Variants in RAP1A observed in about 807,000 individuals in gnomAD.
RAP1A encodes RAP1A, member of RAS oncogene family.
A neutral mutation model predicts 26.4 loss-of-function variants in RAP1A; 6 were observed. The ratio of observed to expected loss-of-function variants is 0.23; its 90% confidence interval spans 0.12 to 0.45. RAP1A has a LOEUF of 0.45. RAP1A is among the 20% of genes least tolerant of loss of function. RAP1A has a pLI of 0.99. For missense variants in RAP1A, 121 were observed against 217.2 expected, an observed-to-expected ratio of 0.56 and a Z score of 2.78; for synonymous variants, 73 against 79.4, an observed-to-expected ratio of 0.92 and a Z score of 0.43.
At chr1:111,679,589 G>A (rs1006821050) in intron 1 of RAP1A, among the ~76,000 whole-genome samples, 10 of 152,096 alleles carry the variant, frequency 6.6e-5, no homozygotes, top group Non-Finnish European at 1.3e-4. Flanking sequence ...AAAGGGGGCT[G>A]AAGCCAGGGA....
chr1:111,549,365 C>T (rs1329249266), intron 1 of RAP1A, among the ~76,000 whole-genome samples: 5 of 140,272 alleles, frequency 3.6e-5, no homozygotes, highest in African/African-American at 8.1e-5. Flanking sequence ...AAAACATGGT[C>T]GGGCTGGGCA....
At chr1:111,671,254 C>T (rs1002696658) in intron 1 of RAP1A, among the ~76,000 whole-genome samples, 6 of 152,132 alleles carry the variant, frequency 3.9e-5, no homozygotes, top group South Asian at 2.1e-4. Flanking sequence ...AGAGCCACCA[C>T]GCCCAACTAA....
chr1:111,629,104 G>A lies in RAP1A; in HGVS notation c.-28+9170G>A, dbSNP rs192342085. Reference sequence around the variant, plus strand: ...TTTGTAGCATTTGTGATTGCTGCAGGACTTTAAAAAAACCAGTCGTGTGAG... The same window carrying A: ...TTTGTAGCATTTGTGATTGCTGCAGAACTTTAAAAAAACCAGTCGTGTGAG... On this transcript the variant is annotated intron_variant, in intron 1 of 7. Coordinates refer to ENST00000369709, the MANE Select transcript of RAP1A (RefSeq NM_002884.4). Among the ~76,000 whole-genome samples the A allele has an allele frequency of 1.2e-3, 177 of 151,988 alleles. 1 individual carries two copies. Among genetic ancestry groups the A allele is most frequent in the Middle Eastern group, 0.01 (3 of 294 alleles).
chr1:111,549,377 G>A lies in RAP1A; in HGVS notation c.-28+6868G>A, dbSNP rs371074371. On this transcript the variant is annotated intron_variant, in intron 1 of 7. Coordinates refer to the RAP1A transcript ENST00000356415. ...TTTAAAACATGGTCGGGCTGGGCAC[G>A]GTGGCTCACGCTTGTAATCCCAGCA... Among the ~76,000 whole-genome samples, 24 of 148,802 alleles carry A rather than the reference G, an allele frequency of 1.6e-4. No homozygotes were observed. In the East Asian group the frequency reaches 3.7e-3, roughly 23 times the overall value.
At chr1:111,561,764 G>A (rs997261637) in intron 1 of RAP1A, among the ~76,000 whole-genome samples, 6 of 152,224 alleles carry the variant, frequency 3.9e-5, no homozygotes, top group South Asian at 2.1e-4. Context: ...GTGTGTGTAC[G>A]TATAATTGGA....
intron 1 of RAP1A, among the ~76,000 whole-genome samples, chr1:111,660,599 C>T (rs1660600407): frequency 1.3e-5 from 2 of 152,116 alleles, no homozygotes. Context: ...TTTCAGTTGC[C>T]TTCCAGTTCT....
At chr1:111,614,163 A>G (rs1273164599) in intron 1 of RAP1A, among the ~76,000 whole-genome samples, 1 of 152,224 alleles carries the variant, frequency 6.6e-6, no homozygotes, top group Non-Finnish European at 1.5e-5. Context: ...CCGCTTTTGT[A>G]TAAATTCATT....
At chr1:111,650,354 T>C (rs1660226334) in intron 1 of RAP1A, 1 of 152,196 alleles carries the variant, frequency 6.6e-6, no homozygotes, top group South Asian at 2.1e-4. Flanking sequence ...TTCTAAAATA[T>C]AAAATTCAAA....
upstream of RAP1A, among the ~76,000 whole-genome samples, chr1:111,616,839 C>T (rs1424534173): frequency 1.3e-5 from 2 of 152,200 alleles, no homozygotes. Flanking sequence ...ACTGTCCATG[C>T]TAAGCTTCTC....
At chr1:111,705,738 A>G (rs537918082) in intron 6 of RAP1A, among the ~76,000 whole-genome samples, 1 of 152,336 alleles carries the variant, frequency 6.6e-6, no homozygotes, top group South Asian at 2.1e-4. Context: ...TCTTTCAGCA[A>G]TAATTAAAGA....
At chr1:111,588,212 G>C (rs1571485353) in intron 1 of RAP1A, among the ~76,000 whole-genome samples, 1 of 152,146 alleles carries the variant, frequency 6.6e-6, no homozygotes, top group East Asian at 1.9e-4. Flanking sequence ...CATCTGATTG[G>C]TTACTTAGGC....
At chr1:111,687,208 AT>A (rs35277322) in intron 1 of RAP1A, among the ~76,000 whole-genome samples, 62,906 of 130,908 alleles carry the variant, frequency 0.48, 13,952 homozygotes, top group East Asian at 0.66. Context: ...ATTGAGTTGA[AT>A]TTTTTTTTTT....
At chr1:111,631,560 T>C (rs1659567947) in intron 1 of RAP1A, among the ~76,000 whole-genome samples, 1 of 152,202 alleles carries the variant, frequency 6.6e-6, no homozygotes, top group African/African-American at 2.4e-5. Flanking sequence ...GCTCTAATTA[T>C]AGAGAATCAC....
At chr1:111,597,515 A>T (rs984457530) in intron 1 of RAP1A, among the ~76,000 whole-genome samples, 1 of 152,224 alleles carries the variant, frequency 6.6e-6, no homozygotes, top group East Asian at 1.9e-4. Context: ...CCCATCTGCT[A>T]TATTTCTAGT....
At chr1:111,580,103 A>G (rs762203209) in intron 1 of RAP1A, among the ~76,000 whole-genome samples, 3 of 152,098 alleles carry the variant, frequency 2.0e-5, no homozygotes, top group Non-Finnish European at 4.4e-5. Context: ...GCTGCCTGTA[A>G]CTTATTGAAT....
chr1:111,698,880 C>G (rs1661923597), intron 4 of RAP1A, among the ~76,000 whole-genome samples: 1 of 151,904 alleles, frequency 6.6e-6, no homozygotes, highest in Non-Finnish European at 1.5e-5. Flanking sequence ...TTTTTAGCTT[C>G]TGAATCAGCA....
intron 1 of RAP1A, chr1:111,608,666 A>T (rs1018830501): frequency 1.2e-5 from 2 of 166,674 alleles, no homozygotes; most frequent in Non-Finnish European, 2.5e-5. Context: ...CGGGAGGCCG[A>T]GGCTGGCGGA....
intron 6 of RAP1A, chr1:111,706,525 A>G (rs982722846): frequency 2.8e-5 from 5 of 176,608 alleles, no homozygotes; most frequent in Non-Finnish European, 4.4e-5. Flanking sequence ...AAAGTAGTAT[A>G]TGGCTATGCC....
At chr1:111,551,692 T>G (rs1657263382) in intron 1 of RAP1A, among the ~76,000 whole-genome samples, 1 of 152,190 alleles carries the variant, frequency 6.6e-6, no homozygotes, top group South Asian at 2.1e-4. Flanking sequence ...TATTTATCTA[T>G]GTAGTTATCA....
Sources: gnomAD v4.1 joint callset for allele counts (sites outside exome capture counted in the v4.1 genomes callset) on GRCh38, gnomAD v4.1.1 for gene constraint, MANE v1.5 for transcripts, NCBI Gene and HGNC (gene_info 2026-07-23, HGNC 2026-07-21) for gene names.